Variants in L3MBTL3 observed in about 807,000 individuals in gnomAD.
L3MBTL3 encodes L3MBTL histone methyl-lysine binding protein 3.
A neutral mutation model predicts 102.3 loss-of-function variants in L3MBTL3; 27 were observed. That is an observed-to-expected ratio of 0.26 (90% CI 0.19 to 0.36). The LOEUF is 0.36. L3MBTL3 is among the 10% of genes least tolerant of loss of function. L3MBTL3 has a pLI of 1.00. For missense variants in L3MBTL3, 798 were observed against 955.3 expected, an observed-to-expected ratio of 0.84 and a Z score of 2.17; for synonymous variants, 340 against 320.9, an observed-to-expected ratio of 1.06 and a Z score of -0.64.
At chr6:130,078,704 G>A in intron 14 of L3MBTL3, 70 bp downstream of exon 14, 1 of 1,009,996 alleles carries the variant, frequency 9.9e-7, no homozygotes, top group Non-Finnish European at 1.5e-6. Flanking sequence ...TTCTGTAAAG[G>A]GCCAGATAGT....
At chr6:130,124,704 C>T (rs1786475934) in intron 20 of L3MBTL3, among the ~76,000 whole-genome samples, 1 of 152,216 alleles carries the variant, frequency 6.6e-6, no homozygotes, top group Non-Finnish European at 1.5e-5. Context: ...GGTGTGGTGG[C>T]TCACGCCTAT....
At chr6:130,047,329 A>G (rs894680667) in intron 3 of L3MBTL3, among the ~76,000 whole-genome samples, 5 of 152,144 alleles carry the variant, frequency 3.3e-5, no homozygotes, top group African/African-American at 1.2e-4. Context: ...ACATTTTAGG[A>G]GAAAGAAAAG....
intron 19 of L3MBTL3, among the ~76,000 whole-genome samples, chr6:130,113,657 G>A (rs1301301801): frequency 2.6e-5 from 4 of 152,174 alleles, no homozygotes. Flanking sequence ...TTCATTATAG[G>A]CCATTAAAAT....
chr6:130,121,039 T>C (rs971885803), intron 20 of L3MBTL3, 81 bp downstream of exon 20: 1 of 845,724 alleles, frequency 1.2e-6, no homozygotes, highest in African/African-American at 1.7e-5. Context: ...AATACAACAG[T>C]CTCTTTTATG....
intron 9 of L3MBTL3, among the ~76,000 whole-genome samples, chr6:130,059,258 T>C (rs781613006): frequency 6.6e-6 from 1 of 152,218 alleles, no homozygotes; most frequent in South Asian, 2.1e-4. Flanking sequence ...CCTGGAAAAT[T>C]ATATGTTCAT....
At chr6:130,098,574 A>C (rs930470841) in intron 18 of L3MBTL3, among the ~76,000 whole-genome samples, 7 of 152,136 alleles carry the variant, frequency 4.6e-5, no homozygotes, top group African/African-American at 1.7e-4. Flanking sequence ...AATAATAATA[A>C]TCGGTGGGAT....
intron 18 of L3MBTL3, among the ~76,000 whole-genome samples, chr6:130,100,666 T>C (rs1784627211): frequency 6.6e-6 from 1 of 152,038 alleles, no homozygotes; most frequent in African/African-American, 2.4e-5. Context: ...AAAAAAGATA[T>C]TTAAATGGTA....
intron 22 of L3MBTL3, among the ~76,000 whole-genome samples, chr6:130,139,131 T>C (rs1406063542): frequency 1.3e-5 from 2 of 151,608 alleles, no homozygotes; most frequent in African/African-American, 2.4e-5. Context: ...ATAAGTGTTA[T>C]CTTTCTGATT....
intron 9 of L3MBTL3, 87 bp from the exon 10 acceptor site, chr6:130,059,949 G>T: frequency 3.0e-6 from 2 of 667,444 alleles, no homozygotes; most frequent in Non-Finnish European, 2.6e-6. Context: ...TGGTTAAATA[G>T]TCTTTATTTT....
intron 19 of L3MBTL3, among the ~76,000 whole-genome samples, chr6:130,110,771 G>A (rs148058514): frequency 5.1e-4 from 78 of 152,202 alleles, no homozygotes; most frequent in African/African-American, 1.3e-3. Context: ...GTCTTGTGCC[G>A]GTTTTCAAAG....
chr6:130,035,861 T>C (rs1296077027), intron 2 of L3MBTL3, among the ~76,000 whole-genome samples: 1 of 152,178 alleles, frequency 6.6e-6, no homozygotes, highest in African/African-American at 2.4e-5. Context: ...GGGTGTACTT[T>C]CAGGATACTT....
chr6:130,057,346 A>T (rs548599339), intron 8 of L3MBTL3, 60 bp from the exon 9 acceptor site: 6 of 1,307,812 alleles, frequency 4.6e-6, no homozygotes, highest in African/African-American at 4.3e-5. Context: ...GAGTTCACAG[A>T]TGCATCACTG....
In L3MBTL3 at chr6:130,094,351, C is replaced by T; in HGVS notation, c.1720C>T (p.His574Tyr). The T allele has an allele frequency of 6.2e-7, 1 of 1,613,400 alleles. No homozygotes were observed. The highest frequency in any genetic ancestry group is 1.1e-5 in the South Asian group (1 of 91,022). ...KGIGHFKRAR[H>Y]LGPHSAANCP... ...GATTGGCCATTTCAAGAGAGCGAGA[C>T]ATCTGGGCCCTCACAGGTATGTGGT... The change falls in exon 18 of 23, where the codon CAT (histidine) becomes TAT (tyrosine). Residue 574 changes from histidine (H) to tyrosine (Y), a missense_variant. Physicochemically the swap from His to Tyr is moderately conservative, Grantham distance 83. Transcript: ENST00000361794.
At chr6:130,110,359 T>C (rs1472294158) in intron 19 of L3MBTL3, among the ~76,000 whole-genome samples, 2 of 152,212 alleles carry the variant, frequency 1.3e-5, no homozygotes, top group African/African-American at 2.4e-5. Context: ...TTGTGTCCTC[T>C]CTTATTTCCT....
chr6:130,050,666 C>T (rs927013768), intron 5 of L3MBTL3, among the ~76,000 whole-genome samples: 2 of 152,182 alleles, frequency 1.3e-5, no homozygotes, highest in East Asian at 1.9e-4. Flanking sequence ...AAGGTCTCTA[C>T]TGTCATTATT....
intron 14 of L3MBTL3, among the ~76,000 whole-genome samples, chr6:130,082,162 C>T (rs989852497): frequency 2.6e-5 from 4 of 152,078 alleles, no homozygotes; most frequent in Non-Finnish European, 4.4e-5. Context: ...CTAGGTTTGT[C>T]TACTAATGGA....
intron 3 of L3MBTL3, among the ~76,000 whole-genome samples, chr6:130,045,285 A>T (rs1454957781): frequency 6.6e-6 from 1 of 152,066 alleles, no homozygotes; most frequent in African/African-American, 2.4e-5. Context: ...CCAAACCACT[A>T]GTTGAAGCCT....
Position 130,051,300 on chromosome 6 carries a change from T to G in L3MBTL3, c.341T>G (p.Val114Gly), listed in dbSNP as rs779368860. ...TTCAGGTTGAAGGATCCAGTGAAAG[T>G]AGAAGGGCTTCAGTTCTGTGAGAAC... ...MPFRLKDPVK[V>G]EGLQFCENCC... The change falls in exon 6 of 23, where the codon GTA (valine) becomes GGA (glycine). Residue 114 changes from valine to glycine, a missense_variant. Val to Gly is a moderately radical substitution (Grantham distance 109, BLOSUM62 -3). Around this residue, in one of 4 missense-constraint regions of L3MBTL3, gnomAD observed 434 missense variants for 506.6 expected, o/e 0.86. Transcript: ENST00000361794. 62 of 1,613,856 alleles carry G rather than the reference T, an allele frequency of 3.8e-5. No individual in the cohort carries two copies. The highest frequency in any genetic ancestry group is 5.0e-5 in the Non-Finnish European group (59 of 1,179,858).
chr6:130,117,683 A>G (rs1785809301), intron 19 of L3MBTL3, among the ~76,000 whole-genome samples: 1 of 152,066 alleles, frequency 6.6e-6, no homozygotes, highest in Non-Finnish European at 1.5e-5. Flanking sequence ...TGGTTGTCCA[A>G]TTGAATAAAC....
Sources: gnomAD v4.1 joint callset for allele counts (sites outside exome capture counted in the v4.1 genomes callset) on GRCh38, gnomAD v4.1.1 for gene constraint, gnomAD v4.1.1 regional missense constraint, MANE v1.5 for transcripts, NCBI Gene and HGNC (gene_info 2026-07-23, HGNC 2026-07-21) for gene names.